The following SNX9 variants were observed in gnomAD, a reference collection of about 807,000 sequenced individuals.
SNX9 encodes sorting nexin 9.
SNX9 carries 44 observed loss-of-function variants against 89.4 expected under a neutral mutation model. The ratio of observed to expected loss-of-function variants is 0.49; its 90% CI spans 0.39 to 0.63. The LOEUF (loss-of-function observed/expected upper bound fraction) is 0.63, where lower values mean the gene tolerates loss of function less well. Ranked by LOEUF, SNX9 falls within the 30% of genes least tolerant of loss-of-function variation. The pLI is 0.00. For missense variants in SNX9, 578 were observed against 736.1 expected (o/e 0.79, Z 2.49); for synonymous variants, 236 against 247.8 (o/e 0.95, Z 0.45).
chr6:157,864,238 A>T (rs1208546948), intron 1 of SNX9, among the ~76,000 whole-genome samples: 1 of 151,932 alleles, frequency 6.6e-6, no homozygotes, highest in Non-Finnish European at 1.5e-5. Flanking sequence ...GAGTAAACCC[A>T]CTCCCACGAG....
chr6:157,918,942 G>A (rs576272006), intron 9 of SNX9, among the ~76,000 whole-genome samples: 23 of 151,728 alleles, frequency 1.5e-4, no homozygotes, highest in South Asian at 1.0e-3. Flanking sequence ...ACAATACATT[G>A]TGGTAATTAC....
chr6:157,915,402 C>T (rs1310483616), intron 9 of SNX9, among the ~76,000 whole-genome samples: 2 of 151,716 alleles, frequency 1.3e-5, no homozygotes, highest in Non-Finnish European at 2.9e-5. Flanking sequence ...ATCTTTTAAT[C>T]CATATATAAA....
At chr6:157,847,534 T>C (rs1781828593) in intron 1 of SNX9, among the ~76,000 whole-genome samples, 1 of 152,000 alleles carries the variant, frequency 6.6e-6, no homozygotes, top group South Asian at 2.1e-4. Flanking sequence ...GAAAAATATA[T>C]ATTTTTAAAT....
chr6:157,939,849 CTG>C (rs1783999134), intron 16 of SNX9, among the ~76,000 whole-genome samples: 1 of 152,132 alleles, frequency 6.6e-6, no homozygotes, highest in Non-Finnish European at 1.5e-5. Flanking sequence ...TCATGGGAAT[CTG>C]TGCAGCCGCT....
At chr6:157,834,150 GTTTTTTTTTTTTTTTTTTTT>G (rs561509955) in intron 1 of SNX9, among the ~76,000 whole-genome samples, 5 of 35,622 alleles carry the variant, frequency 1.4e-4, no homozygotes, top group Admixed American at 5.1e-4. Flanking sequence ...GTCCACTGTG[GTTTTTTTTTTTTTTTTTTTT>G]TTTTTTTTTT....
rs1783106156 is a variant in SNX9 at position 157,901,915 on chromosome 6, G to T, written c.490G>T (p.Asp164Tyr). 1 of 1,609,062 alleles carries T rather than the reference G, an allele frequency of 6.2e-7. No individual in the cohort carries two copies. The highest frequency in any genetic ancestry group is 2.2e-5 in the East Asian group (1 of 44,584). Residue 164 changes from aspartate (D) to tyrosine (Y), a missense_variant, in exon 6 of 18, where the codon GAC becomes TAC. Asp to Tyr is a radical substitution (Grantham distance 160). Around this residue, in one of 2 missense-constraint regions of SNX9, gnomAD observed 230 missense variants for 244.7 expected, o/e 0.94. Coordinates refer to ENST00000392185, the MANE Select transcript of SNX9 (RefSeq NM_016224.5). ...YQGPATGDDD[D>Y]WDEDWDGPKS... ...ACCTCTAGCAACTGGTGATGATGAT[G>T]ACTGGGATGAAGACTGGGATGGGCC...
At chr6:157,875,308 G>T (rs1162195721) in intron 4 of SNX9, 132 bp downstream of exon 4, 1 of 1,257,010 alleles carries the variant, frequency 8.0e-7, no homozygotes, top group African/African-American at 1.5e-5. Context: ...AGGTTGTTCT[G>T]TGGCATTTCT....
At chr6:157,829,985 C>G (rs1725206052) in intron 1 of SNX9, among the ~76,000 whole-genome samples, 1 of 152,104 alleles carries the variant, frequency 6.6e-6, no homozygotes, top group Non-Finnish European at 1.5e-5. Flanking sequence ...ACATTAAAGT[C>G]TGAAATTACT....
At chr6:157,867,499 A>G (rs373646683) in intron 1 of SNX9, 48 bp from the exon 2 acceptor site, 39 of 1,475,538 alleles carry the variant, frequency 2.6e-5, no homozygotes, top group Non-Finnish European at 3.7e-5. Flanking sequence ...TGTTTTTACT[A>G]CTCTGTTTGT....
At chr6:157,849,944 A>G (rs1195553950) in intron 1 of SNX9, among the ~76,000 whole-genome samples, 1 of 152,236 alleles carries the variant, frequency 6.6e-6, no homozygotes, top group African/African-American at 2.4e-5. Flanking sequence ...TAAAGATGGC[A>G]GGTGACGTTG....
intron 1 of SNX9, among the ~76,000 whole-genome samples, chr6:157,864,401 T>C (rs1445059488): frequency 6.6e-6 from 1 of 152,178 alleles, no homozygotes; most frequent in East Asian, 1.9e-4. Flanking sequence ...TAGCAGTGAG[T>C]AAGTGCTTAG....
intron 4 of SNX9, among the ~76,000 whole-genome samples, chr6:157,888,229 AT>A (rs1043974783): frequency 8.6e-5 from 13 of 151,946 alleles, no homozygotes; most frequent in East Asian, 3.8e-4. Flanking sequence ...GAATATTAAC[AT>A]TTTTTTTAAC....
At chr6:157,837,324 A>G (rs529101439) in intron 1 of SNX9, among the ~76,000 whole-genome samples, 8 of 152,218 alleles carry the variant, frequency 5.3e-5, no homozygotes, top group Non-Finnish European at 1.2e-4. Context: ...TAGCCAGAAA[A>G]CATGCGATAC....
At position 157,832,945 on chromosome 6, in the gene SNX9, A is replaced by G. The variant is rs117173190; in HGVS notation, c.12+9499A>G. ...AAAAATACTTCCATAGTACAGCTCC[A>G]CAGTCTGCAAGTCCAGACTTTGCCT... On this transcript the variant is annotated intron_variant, in intron 1 of 17. Coordinates refer to ENST00000392185, the MANE Select transcript of SNX9 (RefSeq NM_016224.5). Among the ~76,000 whole-genome samples the G allele has an allele frequency of 2.3e-3, 352 of 152,286 alleles. 13 individuals carry two copies. In the East Asian group the frequency reaches 0.055, roughly 24 times the overall value.
chr6:157,939,606 A>G (rs1298140422), intron 16 of SNX9, among the ~76,000 whole-genome samples: 3 of 152,218 alleles, frequency 2.0e-5, no homozygotes, highest in Non-Finnish European at 4.4e-5. Flanking sequence ...GGCTTTTCCA[A>G]GGAACAGCTT....
chr6:157,896,841 T>C lies in SNX9; in HGVS notation c.315T>C (p.Asn105=), dbSNP rs758144278. The stretch of plus-strand genomic sequence containing the variant: ...CCTCTCAATAGGTTGGCAGTGGCAA[T>C]GACCCCTGGTCAGCCTGGAGTGCCT... ...ASNNHQVGSG[N]DPWSAWSASK... Residue 105 remains asparagine (N), a synonymous_variant, in exon 5 of 18, where the codon AAT becomes AAC. Transcript: ENST00000392185. The C allele has an allele frequency of 3.7e-6, 6 of 1,612,304 alleles. No individual in the cohort carries two copies. In the Admixed American group the frequency reaches 1.0e-4, roughly 27 times the overall value.
chr6:157,944,508 G>A lies in SNX9; in HGVS notation c.*1670G>A, dbSNP rs894418194. On this transcript the variant is annotated 3_prime_UTR_variant, in exon 18 of 18. Transcript: ENST00000392185. ...ATAAATTGTTTAAAAAAACTGTACAGTAAATTCTCAAAGCACTTTTTCAAA... is the reference window on the plus strand; with the variant it reads ...ATAAATTGTTTAAAAAAACTGTACAATAAATTCTCAAAGCACTTTTTCAAA... 6.6e-6 allele frequency: 1 copy of A among 152,616 alleles called. No individual in the cohort carries two copies. The highest frequency in any genetic ancestry group is 1.5e-5 in the Non-Finnish European group (1 of 68,040). 9.5% of individuals were successfully genotyped at this position (152,616 alleles called of 1,614,324 possible).
At chr6:157,879,430 C>A (rs909317234) in intron 4 of SNX9, among the ~76,000 whole-genome samples, 3 of 152,210 alleles carry the variant, frequency 2.0e-5, no homozygotes, top group African/African-American at 7.2e-5. Context: ...CACATACACA[C>A]ACACCATAGA....
At chr6:157,909,059 C>A (rs1306294084) in intron 7 of SNX9, among the ~76,000 whole-genome samples, 2 of 152,132 alleles carry the variant, frequency 1.3e-5, no homozygotes, top group Non-Finnish European at 2.9e-5. Context: ...CCCCTCCCCC[C>A]ACCTTGCCAC....
Sources: gnomAD v4.1 joint callset for allele counts (sites outside exome capture counted in the v4.1 genomes callset) on GRCh38, gnomAD v4.1.1 for gene constraint, gnomAD v4.1.1 regional missense constraint, MANE v1.5 for transcripts, NCBI Gene and HGNC (gene_info 2026-07-23, HGNC 2026-07-21) for gene names.